CEP63: variants seen among roughly 807,000 people sequenced by gnomAD.
CEP63 encodes centrosomal protein 63.
In CEP63, 84 loss-of-function variants were observed where a neutral mutation model predicts 89.1. That is an observed-to-expected ratio of 0.94 (90% confidence interval 0.79 to 1.13). The LOEUF (loss-of-function observed/expected upper bound fraction) is 1.13, where lower values mean the gene tolerates loss of function less well. Among genes scored for constraint, CEP63 ranks in the 50% most tolerant of loss-of-function variants. CEP63 has a pLI of 0.00. For missense variants in CEP63, 838 were observed against 813.3 expected (o/e 1.03, Z -0.37); for synonymous variants, 267 against 272.5 (o/e 0.98, Z 0.20).
chr3:134,651,014 G>T, the CEP63 span: 5 of 1,609,386 alleles, frequency 3.1e-6, no homozygotes, highest in Non-Finnish European at 4.2e-6. Context: ...GGCTGCTTGC[G>T]CTGCAAATGG....
the CEP63 span, among the ~76,000 whole-genome samples, chr3:134,706,981 T>C: frequency 6.6e-6 from 1 of 152,248 alleles, no homozygotes; most frequent in East Asian, 1.9e-4. Flanking sequence ...TAAGATGATC[T>C]CATCCTAAGA....
the CEP63 span, among the ~76,000 whole-genome samples, chr3:134,746,161 C>T: frequency 1.3e-5 from 2 of 150,078 alleles, no homozygotes; most frequent in Non-Finnish European, 3.0e-5. Flanking sequence ...TGAGTGAGAA[C>T]ATGTGGTGTT....
At chr3:134,488,533 C>T (rs372329893) in intron 1 of CEP63, among the ~76,000 whole-genome samples, 1 of 150,990 alleles carries the variant, frequency 6.6e-6, no homozygotes, top group East Asian at 2.0e-4. Flanking sequence ...CACGTGAATC[C>T]GGGAGGCGGA....
the CEP63 span, among the ~76,000 whole-genome samples, chr3:134,662,776 G>A: frequency 2.0e-5 from 3 of 152,224 alleles, no homozygotes; most frequent in African/African-American, 7.2e-5. Context: ...AGGTGTACGT[G>A]GATAGCAACC....
At chr3:134,590,152 C>T (rs141657481), downstream of CEP63, among the ~76,000 whole-genome samples, 1,167 of 152,032 alleles carry the variant, frequency 7.7e-3, 17 homozygotes, top group African/African-American at 0.027. Flanking sequence ...ATCACCTGGG[C>T]GACAAAATAA....
the CEP63 span, among the ~76,000 whole-genome samples, chr3:134,746,153 A>C: frequency 6.7e-5 from 10 of 150,232 alleles, no homozygotes; most frequent in African/African-American, 2.2e-4. Flanking sequence ...CCTACCTATG[A>C]GTGAGAACAT....
chr3:134,643,469 G>C, the CEP63 span: 1 of 1,034,998 alleles, frequency 9.7e-7, no homozygotes, highest in Non-Finnish European at 1.5e-6. Context: ...GGGAAAGGTG[G>C]GCTGGCGGGG....
At chr3:134,713,646 T>C in the CEP63 span, among the ~76,000 whole-genome samples, 2 of 152,076 alleles carry the variant, frequency 1.3e-5, no homozygotes, top group Non-Finnish European at 2.9e-5. Context: ...CCAAGCTGGG[T>C]GCAGGCTTGG....
chr3:134,660,226 T>C, the CEP63 span, among the ~76,000 whole-genome samples: 1 of 152,268 alleles, frequency 6.6e-6, no homozygotes, highest in Non-Finnish European at 1.5e-5. Flanking sequence ...CCCACAGGGC[T>C]CTGCTCTGCC....
At chr3:134,632,757 A>G in the CEP63 span, among the ~76,000 whole-genome samples, 1 of 151,894 alleles carries the variant, frequency 6.6e-6, no homozygotes, top group South Asian at 2.1e-4. Context: ...AAAATAAGAG[A>G]ATAAATCACT....
the CEP63 span, among the ~76,000 whole-genome samples, chr3:134,604,991 G>C: frequency 6.6e-6 from 1 of 152,114 alleles, no homozygotes; most frequent in Non-Finnish European, 1.5e-5. Flanking sequence ...AGGTTGGGGT[G>C]GGGCAGTTCC....
rs768836470 is a variant in CEP63, at chr3:134,559,373, A to G, written c.1897A>G (p.Asn633Asp). 2.4e-5 allele frequency: 39 copies of G among 1,613,940 alleles called. 1 individual carries two copies. In the Admixed American group the frequency reaches 5.3e-4, roughly 22 times the overall value. The change falls in exon 14 of 15, where the codon AAT becomes GAT. Residue 633 changes from asparagine to aspartate, a missense_variant. Coordinates refer to ENST00000675561, the MANE Select transcript of CEP63 (RefSeq NM_001353108.3). ...TTCAGCGCTAGATACAAATGAAGCC[A>G]ATTTTTCTGACACTATGTCTGAGAG... ...LPSALDTNEA[N>D]FSDTMSESMN...
intron 10 of CEP63, among the ~76,000 whole-genome samples, chr3:134,582,347 A>G (rs1958379509): frequency 3.4e-5 from 5 of 148,626 alleles, no homozygotes; most frequent in African/African-American, 1.0e-4. Context: ...ATTCCCCTAC[A>G]GGCCCCAGTG....
intron 3 of CEP63, among the ~76,000 whole-genome samples, chr3:134,511,606 C>T (rs1576916105): frequency 6.6e-6 from 1 of 152,180 alleles, no homozygotes; most frequent in African/African-American, 2.4e-5. Flanking sequence ...AATTGACTCA[C>T]AGTTCCACAG....
At chr3:134,730,314 A>T in the CEP63 span, among the ~76,000 whole-genome samples, 1 of 152,328 alleles carries the variant, frequency 6.6e-6, no homozygotes, top group Non-Finnish European at 1.5e-5. Flanking sequence ...ATAGGTAAAA[A>T]TATTTAGGCG....
the CEP63 span, among the ~76,000 whole-genome samples, chr3:134,717,938 T>C: frequency 6.6e-6 from 1 of 152,208 alleles, no homozygotes; most frequent in East Asian, 1.9e-4. Flanking sequence ...CTCTTTAATT[T>C]ACAGACTGTG....
intron 11 of CEP63, among the ~76,000 whole-genome samples, chr3:134,570,202 T>G (rs1334016431): frequency 6.6e-6 from 1 of 152,228 alleles, no homozygotes; most frequent in Non-Finnish European, 1.5e-5. Flanking sequence ...GGATTAACAT[T>G]CGGCTCCTCA....
At chr3:134,739,585 AC>A in the CEP63 span, among the ~76,000 whole-genome samples, 1 of 152,238 alleles carries the variant, frequency 6.6e-6, no homozygotes, top group African/African-American at 2.4e-5. Context: ...CTAGTTACAC[AC>A]ATCAACAGGG....
At chr3:134,527,728 A>G (rs1231833536) in intron 3 of CEP63, among the ~76,000 whole-genome samples, 3 of 152,178 alleles carry the variant, frequency 2.0e-5, no homozygotes, top group Non-Finnish European at 4.4e-5. Context: ...CTGCCAGCAC[A>G]GAAGCTATGA....
Sources: allele counts gnomAD v4.1 joint callset (sites outside exome capture counted in the v4.1 genomes callset), GRCh38; gene constraint gnomAD v4.1.1; transcripts MANE v1.5; gene names NCBI Gene and HGNC (gene_info 2026-07-23, HGNC 2026-07-21).